The following SYT14 variants were observed in gnomAD, a reference collection of about 807,000 sequenced individuals.
SYT14 encodes synaptotagmin-14.
In SYT14, 32 loss-of-function variants were observed where a neutral mutation model predicts 74.2. The observed-to-expected ratio is 0.43, with a 90% CI of 0.33 to 0.58. The LOEUF (loss-of-function observed/expected upper bound fraction) is 0.58. Among genes scored for constraint, SYT14 ranks in the 20% least tolerant of loss-of-function variants. The pLI, the probability that SYT14 is intolerant of heterozygous loss-of-function variation, is 0.05. For missense variants in SYT14, 791 were observed against 981.8 expected (o/e 0.81, Z 2.60); for synonymous variants, 298 against 337.7 (o/e 0.88, Z 1.29).
chr1:209,953,376 A>C (rs982540102), intron 2 of SYT14: 3 of 617,032 alleles, frequency 4.9e-6, no homozygotes, highest in Middle Eastern at 6.4e-4. Flanking sequence ...CTATGAAATC[A>C]TATGAAGGAA....
intron 7 of SYT14, among the ~76,000 whole-genome samples, chr1:210,123,685 A>T (rs1157969822): frequency 6.6e-6 from 1 of 152,186 alleles, no homozygotes. Context: ...CCTGTCAGTG[A>T]ACAAGTTGCA....
At chr1:210,118,558 A>G (rs763844746) in intron 7 of SYT14, among the ~76,000 whole-genome samples, 49 of 151,874 alleles carry the variant, frequency 3.2e-4, no homozygotes, top group Non-Finnish European at 6.3e-4. Flanking sequence ...GCTCACTGCA[A>G]CCTCCGCCTC....
chr1:209,970,233 A>T (rs2102748487), intron 2 of SYT14, among the ~76,000 whole-genome samples: 1 of 152,202 alleles, frequency 6.6e-6, no homozygotes, highest in South Asian at 2.1e-4. Flanking sequence ...TCTTGAGTTA[A>T]TTTTTGTGTA....
chr1:209,970,620 T>C (rs527658474), intron 2 of SYT14, among the ~76,000 whole-genome samples: 2 of 149,174 alleles, frequency 1.3e-5, no homozygotes, highest in Non-Finnish European at 3.0e-5. Flanking sequence ...GGTAGTTTGG[T>C]AGGAATAGCA....
chr1:210,021,245 A>G, exon 5 of SYT14: 1 of 1,613,778 alleles, frequency 6.2e-7, no homozygotes, highest in Non-Finnish European at 8.5e-7. Flanking sequence ...TGAAGCATCA[A>G]TAGATGAAGG....
At chr1:210,156,628 A>G (rs1466467834) in intron 8 of SYT14, among the ~76,000 whole-genome samples, 1 of 150,974 alleles carries the variant, frequency 6.6e-6, no homozygotes, top group East Asian at 1.9e-4. Flanking sequence ...TTGTCACCCA[A>G]TATACCTCTA....
At chr1:210,023,376 C>T (rs1055903841) in intron 5 of SYT14, among the ~76,000 whole-genome samples, 2 of 152,310 alleles carry the variant, frequency 1.3e-5, no homozygotes, top group Middle Eastern at 6.8e-3. Flanking sequence ...TGGAGTCTGA[C>T]TCTGTTGCCC....
In SYT14 at chr1:210,021,210, C is replaced by T. The variant is rs145963511; in HGVS notation, c.1268C>T (p.Ser423Leu). Reference sequence around the variant, plus strand: ...ACAAGGCAGAAATACAGTCCTCTATCGGCAGAGTATGATGGATACAGTAGT... The same window carrying T: ...ACAAGGCAGAAATACAGTCCTCTATTGGCAGAGTATGATGGATACAGTAGT... Residue 423 changes from serine to leucine, a missense_variant, in exon 5 of 10, where the codon TCG (serine) becomes TTG (leucine). Transcript: ENST00000637265. 533 of 1,613,900 alleles carry T rather than the reference C, an allele frequency of 3.3e-4. No homozygotes were observed. The highest frequency in any genetic ancestry group is 4.2e-4 in the Non-Finnish European group (498 of 1,179,872).
intron 2 of SYT14, among the ~76,000 whole-genome samples, chr1:209,994,116 C>T (rs995689455): frequency 6.6e-6 from 1 of 152,146 alleles, no homozygotes; most frequent in Non-Finnish European, 1.5e-5. Flanking sequence ...CCAAATGAAT[C>T]TACTAGTTCC....
At position 209,977,758 on chromosome 1, in the gene SYT14, G is replaced by A. The variant is rs189761216; in HGVS notation, c.-486+25002G>A. The stretch of plus-strand genomic sequence containing the variant: ...CCGAATTTGAATGTTGGCCTGCCTT[G>A]CTAGTTTGGGAAAGTTCTCTTGGAT... On this transcript the variant is annotated intron_variant, in intron 2 of 9. Transcript: ENST00000637265. 2.6e-3 allele frequency among the ~76,000 whole-genome samples: 391 copies of A among 152,258 alleles called. 2 individuals are homozygous for A. Among genetic ancestry groups the A allele is most frequent in the African/African-American group, 8.9e-3 (371 of 41,554 alleles).
At chr1:210,099,986 C>CT (rs1341592869) in intron 6 of SYT14, 26 bp from the exon 6 acceptor site, 1 of 1,603,710 alleles carries the variant, frequency 6.2e-7, no homozygotes, top group Non-Finnish European at 8.5e-7. Context: ...GTTAAAAACT[C>CT]TAACATTTAA....
intron 5 of SYT14, among the ~76,000 whole-genome samples, chr1:210,083,056 T>C (rs846548): frequency 0.57 from 86,166 of 151,732 alleles, 26,547 homozygotes; most frequent in African/African-American, 0.82. Flanking sequence ...TCTCTCCTGA[T>C]TGCAACCTCC....
At chr1:210,164,671 A>G (rs994469263) in exon 10 of SYT14, 1 of 152,174 alleles carries the variant, frequency 6.6e-6, no homozygotes, top group African/African-American at 2.4e-5. Flanking sequence ...CTCTCCAGCT[A>G]TGAATAGAAA....
intron 2 of SYT14, among the ~76,000 whole-genome samples, chr1:209,996,710 T>A (rs2079805146): frequency 6.6e-6 from 1 of 151,980 alleles, no homozygotes; most frequent in African/African-American, 2.4e-5. Flanking sequence ...GACACGAAAA[T>A]CCTCGGCAAA....
intron 2 of SYT14, among the ~76,000 whole-genome samples, chr1:209,961,127 T>G (rs1278552976): frequency 1.3e-5 from 2 of 152,136 alleles, no homozygotes; most frequent in Non-Finnish European, 2.9e-5. Flanking sequence ...GACAGATTTG[T>G]GCTTTCTTTC....
At chr1:210,162,084 A>G (rs79182420) in exon 10 of SYT14, 5,299 of 438,232 alleles carry the variant, frequency 0.012, 214 homozygotes, top group East Asian at 0.074. Context: ...ACTTCAATTT[A>G]TATTTGTGAT....
intron 7 of SYT14, among the ~76,000 whole-genome samples, chr1:210,128,641 C>T (rs779703931): frequency 3.3e-5 from 5 of 152,206 alleles, no homozygotes; most frequent in African/African-American, 4.8e-5. Context: ...CCACTACCCT[C>T]TTATGTCCTA....
At chr1:209,988,712 T>A (rs2102828115) in intron 2 of SYT14, among the ~76,000 whole-genome samples, 1 of 152,302 alleles carries the variant, frequency 6.6e-6, no homozygotes, top group South Asian at 2.1e-4. Flanking sequence ...GGTTTGAGAT[T>A]TTAAAATTCT....
chr1:209,954,043 GTTA>G (rs2078953557), intron 2 of SYT14, among the ~76,000 whole-genome samples: 1 of 152,194 alleles, frequency 6.6e-6, no homozygotes, highest in South Asian at 2.1e-4. Context: ...TAATTTTATA[GTTA>G]TTATCCAGTC....
Sources: allele counts gnomAD v4.1 joint callset (sites outside exome capture counted in the v4.1 genomes callset), GRCh38; gene constraint gnomAD v4.1.1; transcripts MANE v1.5; gene names NCBI Gene and HGNC (gene_info 2026-07-23, HGNC 2026-07-21).